The following CDYL2 variants were observed in gnomAD, a reference collection of about 807,000 sequenced individuals.
CDYL2 encodes the protein chromodomain Y-like protein 2.
Under a neutral mutation model 49.4 loss-of-function variants are expected in CDYL2, and 23 were observed. The observed-to-expected ratio is 0.47, with a 90% CI of 0.34 to 0.66. CDYL2 has a LOEUF of 0.66. Among genes scored for constraint, CDYL2 ranks in the 30% least tolerant of loss-of-function variants. The probability of loss-of-function intolerance (pLI) is 0.01; values close to 1 mark genes in which losing one functional copy is unlikely to be tolerated. For missense variants in CDYL2, 678 were observed against 656.4 expected (o/e 1.03, Z -0.36); for synonymous variants, 360 against 268.8 (o/e 1.34, Z -3.32).
intron 1 of CDYL2, among the ~76,000 whole-genome samples, chr16:80,719,590 G>T (rs1265600942): frequency 1.3e-5 from 2 of 152,162 alleles, no homozygotes; most frequent in Non-Finnish European, 2.9e-5. Flanking sequence ...ATCACATGGG[G>T]CCTAGCCAAC....
chr16:80,800,618 A>G (rs1301632463), intron 1 of CDYL2, among the ~76,000 whole-genome samples: 4 of 152,204 alleles, frequency 2.6e-5, no homozygotes, highest in African/African-American at 7.2e-5. Context: ...CAGAGAGAGA[A>G]CTGAGCCACC....
chr16:80,802,330 C>T (rs1907951060), intron 1 of CDYL2, among the ~76,000 whole-genome samples: 1 of 152,214 alleles, frequency 6.6e-6, no homozygotes, highest in Admixed American at 6.5e-5. Flanking sequence ...CGTAGAAAAC[C>T]ATGATTCCAA....
At chr16:80,755,925 A>G (rs1906295097) in intron 1 of CDYL2, among the ~76,000 whole-genome samples, 1 of 152,214 alleles carries the variant, frequency 6.6e-6, no homozygotes, top group African/African-American at 2.4e-5. Context: ...GCTCTAAAAT[A>G]AAGTCTACTA....
rs554449315 is a variant in CDYL2, at chr16:80,612,689, G to C, written c.1155C>G (p.Thr385=). 16 of 1,613,324 alleles carry C rather than the reference G, an allele frequency of 9.9e-6. No individual in the cohort carries two copies. In the South Asian group the frequency reaches 1.8e-4, roughly 18 times the overall value. ...AGCAGCCAGCAGGCGTGAGGCGGATGGTGGCGTAGGGCGTCTGGAACCAGG... is the reference window on the plus strand; with the variant it reads ...AGCAGCCAGCAGGCGTGAGGCGGATCGTGGCGTAGGGCGTCTGGAACCAGG... The part of the protein sequence containing the change: ...EKAWFQTPYA[T]IRLTPAGCSS... Residue 385 remains threonine, a synonymous_variant, in exon 5 of 7, where the codon ACC becomes ACG. Coordinates refer to ENST00000570137, the MANE Select transcript of CDYL2 (RefSeq NM_152342.4). This position sits in a 1 kb window ranked among gnomAD's most constrained non-coding sequence, Gnocchi z 5.0.
rs149077068 is a variant in CDYL2 at position 80,600,113 on chromosome 16, T to A, written c.*4275A>T. 1.3e-5 allele frequency: 2 copies of A among 152,300 alleles called. No homozygotes were observed. The highest frequency in any genetic ancestry group is 4.8e-5 in the African/African-American group (2 of 41,572). The allele number at this position is 152,300 out of a possible 1,614,324, so 9.4% of individuals were successfully genotyped here. ...TTAAACTACTTATGTAGTTGCAAAG[T>A]TGAAAAATTTACTGATCCTAATGGT... On this transcript the variant is annotated 3_prime_UTR_variant, in exon 7 of 7. Transcript: ENST00000570137.
intron 1 of CDYL2, among the ~76,000 whole-genome samples, chr16:80,694,611 T>C (rs117025969): frequency 2.6e-5 from 4 of 152,298 alleles, no homozygotes; most frequent in Non-Finnish European, 5.9e-5. Context: ...CATATAAACA[T>C]GGAAATATAA....
chr16:80,764,140 A>G (rs768639105), intron 1 of CDYL2, among the ~76,000 whole-genome samples: 7 of 152,360 alleles, frequency 4.6e-5, no homozygotes, highest in Non-Finnish European at 8.8e-5. Context: ...TTTGATAAAA[A>G]GCAGATAATA....
chr16:80,630,752 C>G (rs1306532212), intron 3 of CDYL2, among the ~76,000 whole-genome samples: 3 of 152,104 alleles, frequency 2.0e-5, no homozygotes, highest in Non-Finnish European at 4.4e-5. Context: ...CACCATTTGT[C>G]AATCATTCCA....
At chr16:80,739,643 T>A (rs1049138793) in intron 1 of CDYL2, among the ~76,000 whole-genome samples, 3 of 152,082 alleles carry the variant, frequency 2.0e-5, no homozygotes, top group Non-Finnish European at 2.9e-5. Flanking sequence ...TGTGCTGGCA[T>A]CCTGCTCTGC....
chr16:80,715,642 T>C (rs1904773185), intron 1 of CDYL2, among the ~76,000 whole-genome samples: 2 of 152,072 alleles, frequency 1.3e-5, no homozygotes, highest in South Asian at 4.2e-4. Flanking sequence ...GAAAATCTGA[T>C]TGTGTCCCCA....
intron 1 of CDYL2, among the ~76,000 whole-genome samples, chr16:80,763,268 G>GACTACTCAACA (rs1906594457): frequency 2.0e-3 from 2 of 1,006 alleles, no homozygotes; most frequent in Non-Finnish European, 5.4e-3. Flanking sequence ...AATCAACTGT[G>GACTACTCAACA]GCTACTCAAC....
intron 1 of CDYL2, among the ~76,000 whole-genome samples, chr16:80,759,112 A>ATATATATATATATAT (rs1906425543): frequency 8.9e-6 from 1 of 112,664 alleles, no homozygotes; most frequent in South Asian, 2.6e-4. Context: ...CTATATATAT[A>ATATATATATATATAT]TATATATATA....
At chr16:80,716,923 A>C (rs1904823604) in intron 1 of CDYL2, among the ~76,000 whole-genome samples, 1 of 151,470 alleles carries the variant, frequency 6.6e-6, no homozygotes, top group Non-Finnish European at 1.5e-5. Context: ...GGACAGATGG[A>C]TAGACAGATG....
intron 1 of CDYL2, among the ~76,000 whole-genome samples, chr16:80,726,610 T>G (rs1026389429): frequency 6.6e-6 from 1 of 152,058 alleles, no homozygotes; most frequent in Admixed American, 6.6e-5. Flanking sequence ...AAGAAAGAGA[T>G]GAATAATACC....
intron 2 of CDYL2, among the ~76,000 whole-genome samples, chr16:80,674,777 A>G (rs1909674170): frequency 2.0e-5 from 3 of 152,390 alleles, no homozygotes; most frequent in Admixed American, 6.5e-5. Flanking sequence ...TTATGACTGA[A>G]TAACATCCGT....
chr16:80,763,389 T>C (rs1034961580), intron 1 of CDYL2, among the ~76,000 whole-genome samples: 1 of 7,116 alleles, frequency 1.4e-4, no homozygotes, highest in Admixed American at 2.2e-3. Flanking sequence ...GGCGGGCAGA[T>C]CACTTGAGGT....
chr16:80,713,212 A>G (rs1904679965), intron 1 of CDYL2, among the ~76,000 whole-genome samples: 1 of 152,228 alleles, frequency 6.6e-6, no homozygotes, highest in Non-Finnish European at 1.5e-5. Flanking sequence ...CAGGCATTTA[A>G]TAAGCGCTAG....
At chr16:80,622,059 G>A (rs1003804111) in intron 3 of CDYL2, among the ~76,000 whole-genome samples, 6 of 152,174 alleles carry the variant, frequency 3.9e-5, no homozygotes, top group African/African-American at 1.4e-4. Flanking sequence ...CCACACAGTT[G>A]GTAAGTGTTA....
intron 2 of CDYL2, among the ~76,000 whole-genome samples, chr16:80,666,733 C>T (rs1206799632): frequency 6.6e-6 from 1 of 152,150 alleles, no homozygotes; most frequent in African/African-American, 2.4e-5. Context: ...AAGACTGGGC[C>T]AGGGGATGGG....
Sources: gnomAD v4.1 joint callset for allele counts (sites outside exome capture counted in the v4.1 genomes callset) on GRCh38, gnomAD v4.1.1 for gene constraint, Gnocchi (gnomAD v3.1) non-coding constraint, MANE v1.5 for transcripts, NCBI Gene and HGNC (gene_info 2026-07-23, HGNC 2026-07-21) for gene names.